ITPR2: variants seen among roughly 807,000 people sequenced by gnomAD.
ITPR2 encodes inositol 1,4,5-trisphosphate-gated calcium channel ITPR2.
In ITPR2, 207 loss-of-function variants were observed where a neutral mutation model predicts 317.1. The observed-to-expected ratio is 0.65, with a 90% CI of 0.58 to 0.73. The LOEUF is 0.73. Ranked by LOEUF, ITPR2 falls within the 30% of genes least tolerant of loss-of-function variation. The pLI is 0.00. For synonymous variants in ITPR2, 1,156 were observed against 1,149.1 expected, an observed-to-expected ratio of 1.01 and a Z score of -0.12; for missense variants, 2,613 against 3,284.0, an observed-to-expected ratio of 0.80 and a Z score of 4.99.
intron 37 of ITPR2, among the ~76,000 whole-genome samples, chr12:26,526,213 A>G (rs1943805285): frequency 6.6e-6 from 1 of 152,212 alleles, no homozygotes; most frequent in African/African-American, 2.4e-5. Context: ...TGCTATGAAA[A>G]AAATGAATAA....
At chr12:26,556,200 A>G in intron 36 of ITPR2, 33 bp downstream of exon 36, 1 of 1,606,848 alleles carries the variant, frequency 6.2e-7, no homozygotes, top group Non-Finnish European at 8.5e-7. Context: ...CAGTTTGACG[A>G]CACTAGCAGA....
chr12:26,669,607 C>T (rs1476008820), intron 13 of ITPR2, among the ~76,000 whole-genome samples: 2 of 152,190 alleles, frequency 1.3e-5, no homozygotes, highest in Admixed American at 6.5e-5. Flanking sequence ...TCTACAGCTC[C>T]CAGCGTGAGT....
intron 34 of ITPR2, among the ~76,000 whole-genome samples, chr12:26,565,484 TGATAGATA>T (rs75320702): frequency 0.029 from 3,996 of 138,812 alleles, 62 homozygotes; most frequent in East Asian, 0.044. Flanking sequence ...GATAGACAGA[TGATAGATA>T]GATAGATAGA....
Position 26,624,283 on chromosome 12 carries a change from A to G in ITPR2, c.3122+16T>C. On this transcript the variant is annotated intron_variant, in intron 24 of 56. Coordinates refer to ENST00000381340, the MANE Select transcript of ITPR2 (RefSeq NM_002223.4). ...TTATTCACAAGTAAGATAAAGATATATAAATGTTACTATACCTTCCCGCAA... is the reference window on the plus strand; with the variant it reads ...TTATTCACAAGTAAGATAAAGATATGTAAATGTTACTATACCTTCCCGCAA... 6.5e-7 allele frequency: 1 copy of G among 1,543,970 alleles called. No homozygotes were observed. The highest frequency in any genetic ancestry group is 8.9e-7 in the Non-Finnish European group (1 of 1,120,742).
chr12:26,649,906 T>A (rs1947207002), intron 21 of ITPR2, among the ~76,000 whole-genome samples: 1 of 152,146 alleles, frequency 6.6e-6, no homozygotes, highest in Admixed American at 6.5e-5. Context: ...TTTCTCCCAA[T>A]AGGAGAAAGG....
Position 26,539,850 on chromosome 12 carries a change from A to G in ITPR2, c.5073+10397T>C, listed in dbSNP as rs555872854. ...AGAGATATGCAAAGTATAACATGAC[A>G]TGATATGTCTAGAATCTACTTCTTG... On this transcript the variant is annotated intron_variant, in intron 37 of 56. Coordinates refer to ENST00000381340, the MANE Select transcript of ITPR2 (RefSeq NM_002223.4). Among the ~76,000 whole-genome samples, 6 of 152,354 alleles carry G rather than the reference A, an allele frequency of 3.9e-5. No homozygotes were observed. In the South Asian group the frequency reaches 1.2e-3, roughly 32 times the overall value.
intron 26 of ITPR2, among the ~76,000 whole-genome samples, chr12:26,615,007 C>G (rs1030143517): frequency 6.6e-6 from 1 of 152,140 alleles, no homozygotes; most frequent in Non-Finnish European, 1.5e-5. Flanking sequence ...ATGTACCACA[C>G]TTATTCTAGA....
At chr12:26,551,210 C>A (rs1301335868) in intron 36 of ITPR2, among the ~76,000 whole-genome samples, 3 of 152,060 alleles carry the variant, frequency 2.0e-5, no homozygotes, top group African/African-American at 7.3e-5. Flanking sequence ...TGGGATATAA[C>A]CCTGGGGAAA....
chr12:26,675,438 A>C (rs910604760), intron 13 of ITPR2, among the ~76,000 whole-genome samples: 9 of 152,174 alleles, frequency 5.9e-5, no homozygotes, highest in Non-Finnish European at 1.3e-4. Flanking sequence ...TCAGTAAACT[A>C]TCGCAAGAAC....
chr12:26,543,499 C>G (rs1443454877), intron 37 of ITPR2, among the ~76,000 whole-genome samples: 1 of 151,996 alleles, frequency 6.6e-6, no homozygotes, highest in Non-Finnish European at 1.5e-5. Flanking sequence ...ATCACATTGC[C>G]CTCAGGCTGG....
intron 2 of ITPR2, among the ~76,000 whole-genome samples, chr12:26,786,449 T>TAAAAAAA (rs59014121): frequency 1.8e-4 from 21 of 119,202 alleles, no homozygotes; most frequent in African/African-American, 6.3e-4. Context: ...GAATGATCAA[T>TAAAAAAA]AAAAAAAAAA....
At position 26,682,624 on chromosome 12, in the gene ITPR2, T is replaced by C. The variant is rs1948056066; in HGVS notation, c.1198A>G (p.Ser400Gly). ...RHLCTNTWVT[S>G]TSIPIDTDEE... ...TCTGTGTCTATGGGGATACTAGTACTGGTTACCCATGTGTTGGTGCATAAA... is the reference window on the plus strand; with the variant it reads ...TCTGTGTCTATGGGGATACTAGTACCGGTTACCCATGTGTTGGTGCATAAA... The change falls in exon 12 of 57, where the codon AGT becomes GGT. Residue 400 changes from serine (S) to glycine (G), a missense_variant. Transcript: ENST00000381340. 2 of 1,613,300 alleles carry C rather than the reference T, an allele frequency of 1.2e-6. No homozygotes were observed. Among genetic ancestry groups the C allele is most frequent in the Non-Finnish European group, 1.7e-6 (2 of 1,179,404 alleles).
intron 55 of ITPR2, among the ~76,000 whole-genome samples, chr12:26,385,784 C>T (rs949320952): frequency 1.3e-5 from 2 of 152,070 alleles, no homozygotes; most frequent in South Asian, 2.1e-4. Flanking sequence ...CCTCCTCTCT[C>T]GGGCATATTG....
rs868493023 is a variant in ITPR2 at position 26,417,552 on chromosome 12, G to C, written c.7110+1497C>G. Among the ~76,000 whole-genome samples the C allele has an allele frequency of 3.9e-5, 6 of 151,978 alleles. No homozygotes were observed. In the South Asian group the frequency reaches 6.2e-4, roughly 16 times the overall value. On this transcript the variant is annotated intron_variant, in intron 50 of 56. Transcript: ENST00000381340. The stretch of plus-strand genomic sequence containing the variant: ...GGTTTTAAAAGTGGCAGTTTCCCCC[G>C]TGCTCTCCTCTCTCTCTTCTGCCAC...
chr12:26,471,296 T>G (rs1483303849), intron 45 of ITPR2, among the ~76,000 whole-genome samples: 3 of 152,186 alleles, frequency 2.0e-5, no homozygotes, highest in Non-Finnish European at 4.4e-5. Flanking sequence ...TTAATATATA[T>G]TGGACATACA....
chr12:26,803,837 A>T (rs1393709218), intron 1 of ITPR2, among the ~76,000 whole-genome samples: 1 of 152,128 alleles, frequency 6.6e-6, no homozygotes, highest in Admixed American at 6.5e-5. Flanking sequence ...AGTTGGCAAG[A>T]GAACTTCCCT....
chr12:26,756,276 T>A (rs2137115266), intron 2 of ITPR2, among the ~76,000 whole-genome samples: 1 of 152,290 alleles, frequency 6.6e-6, no homozygotes, highest in East Asian at 1.9e-4. Flanking sequence ...CGCTGCTTAT[T>A]CCTGTGAACC....
At chr12:26,721,467 C>G in intron 5 of ITPR2, 1 of 423,022 alleles carries the variant, frequency 2.4e-6, no homozygotes, top group Non-Finnish European at 4.2e-6. Context: ...TGAAAAAACT[C>G]TCTCAGAATA....
intron 45 of ITPR2, among the ~76,000 whole-genome samples, chr12:26,448,858 C>T (rs1941673544): frequency 6.6e-6 from 1 of 152,114 alleles, no homozygotes; most frequent in African/African-American, 2.4e-5. Flanking sequence ...ATAGACAGCA[C>T]ATAAGTGCAA....
Sources: gnomAD v4.1 joint callset for allele counts (sites outside exome capture counted in the v4.1 genomes callset) on GRCh38, gnomAD v4.1.1 for gene constraint, MANE v1.5 for transcripts, NCBI Gene and HGNC (gene_info 2026-07-23, HGNC 2026-07-21) for gene names.